Variants in TOP3B observed in about 807,000 individuals in gnomAD.
TOP3B encodes the protein DNA topoisomerase 3-beta-1.
A neutral mutation model predicts 93.9 loss-of-function variants in TOP3B; 45 were observed. The observed-to-expected ratio is 0.48, with a 90% CI of 0.38 to 0.61. The LOEUF is 0.61. Among genes scored for constraint, TOP3B ranks in the 20% least tolerant of loss-of-function variants. The pLI is 0.00. For synonymous variants in TOP3B, 357 were observed against 472.6 expected, an observed-to-expected ratio of 0.76 and a Z score of 3.17; for missense variants, 750 against 1,156.1, an observed-to-expected ratio of 0.65 and a Z score of 5.09.
At chr22:21,960,123 C>G in intron 14 of TOP3B, 198 bp downstream of exon 14, 2 of 821,982 alleles carry the variant, frequency 2.4e-6, no homozygotes, top group Non-Finnish European at 3.8e-6. Context: ...GTTCAGCCTT[C>G]AAACACACTG....
chr22:21,973,454 T>TG (rs1230850911), intron 3 of TOP3B: 1 of 151,224 alleles, frequency 6.6e-6, no homozygotes, highest in Non-Finnish European at 1.5e-5. Context: ...AATTTTGTTT[T>TG]TTTTTTTTTT....
In TOP3B at chr22:21,964,292, G is replaced by C; in HGVS notation, c.967C>G (p.Gln323Glu). 6.2e-7 allele frequency: 1 copy of C among 1,613,854 alleles called. No homozygotes were observed. The highest frequency in any genetic ancestry group is 1.7e-4 in the Middle Eastern group (1 of 6,032). The change falls in exon 10 of 18, where the codon CAG (glutamine) becomes GAG (glutamate). Residue 323 changes from glutamine (Q) to glutamate (E), a missense_variant. Physicochemically the swap from Gln to Glu is conservative, Grantham distance 29 (BLOSUM62 2). Coordinates refer to ENST00000357179, the MANE Select transcript of TOP3B (RefSeq NM_001282112.2). ...SLGMGPQHAM[Q>E]TAERLYTQGY... is the part of the protein sequence containing the mutation. The stretch of plus-strand genomic sequence containing the variant: ...TGCGTGTAGAGCCGCTCAGCCGTCT[G>C]CATGGCGTGCTGCGGCCCCATGCCT...
intron 7 of TOP3B, chr22:21,968,408 C>G (rs2071498496): frequency 3.4e-6 from 2 of 581,022 alleles, no homozygotes; most frequent in Admixed American, 3.0e-5. Context: ...TCCCACTTAT[C>G]CAGATTCAGC....
In TOP3B at chr22:21,970,139, AC is replaced by A; in HGVS notation, c.581+70del. The A allele has an allele frequency of 2.6e-6, 4 of 1,555,386 alleles. No homozygotes were observed. Among genetic ancestry groups the A allele is most frequent in the Non-Finnish European group, 2.6e-6 (3 of 1,149,500 alleles). On this transcript the variant is annotated intron_variant, in intron 6 of 17. Coordinates refer to ENST00000357179, the MANE Select transcript of TOP3B (RefSeq NM_001282112.2). This position sits in a 1 kb window ranked among gnomAD's most constrained non-coding sequence, Gnocchi z 4.4. ...GGAGGCCTAGGGGCCCCGGAGGGGG[AC>A]CAGTAGAGGCAGGTCTCTGGCTGAG...
intron 14 of TOP3B, chr22:21,960,053 A>C: frequency 1.6e-6 from 1 of 620,966 alleles, no homozygotes; most frequent in Non-Finnish European, 2.8e-6. Flanking sequence ...GCCCCTGGGG[A>C]ACCTCCAGGG....
intron 8 of TOP3B, 94 bp from the exon 9 acceptor site, chr22:21,965,469 TCTGGTCTCC>T: frequency 3.1e-6 from 2 of 653,604 alleles, no homozygotes; most frequent in African/African-American, 3.8e-5. Flanking sequence ...GTTTCATTCA[TCTGGTCTCC>T]CTGTTTCTCC....
At chr22:21,960,607 G>A in intron 13 of TOP3B, 158 bp from the exon 14 acceptor site, 1 of 964,712 alleles carries the variant, frequency 1.0e-6, no homozygotes, top group Non-Finnish European at 1.5e-6. Flanking sequence ...CCTGCACTGT[G>A]CTGGGCACCA....
chr22:21,959,655 C>T lies in TOP3B; in HGVS notation c.1736G>A (p.Arg579His), dbSNP rs138357708. 2.1e-4 allele frequency: 341 copies of T among 1,613,750 alleles called. No individual in the cohort carries two copies. The highest frequency in any genetic ancestry group is 2.8e-4 in the Non-Finnish European group (328 of 1,179,926). ...GTCCAGGGTGTGGCCCAGGACCTGG[C>T]GGTAGTCGGCCTTGCCCTGGGCGAT... ...NLIAQGKADYRQVLGHTLDVF... is the reference protein window; with the variant it reads ...NLIAQGKADYHQVLGHTLDVF... Residue 579 changes from arginine (R) to histidine (H), a missense_variant, in exon 15 of 18, where the codon CGC becomes CAC. Physicochemically the swap from Arg to His is conservative, Grantham distance 29 (BLOSUM62 0). Transcript: ENST00000357179.
intron 12 of TOP3B, 59 bp downstream of exon 12, chr22:21,962,688 G>A (rs1334748527): frequency 6.2e-7 from 1 of 1,609,992 alleles, no homozygotes; most frequent in Non-Finnish European, 8.5e-7. Flanking sequence ...CAGACACGAT[G>A]TAGAATGTTT....
intron 13 of TOP3B, 81 bp from the exon 14 acceptor site, chr22:21,960,530 G>C (rs529714869): frequency 1.3e-6 from 2 of 1,578,302 alleles, no homozygotes; most frequent in African/African-American, 1.3e-5. Context: ...CCTGTCACGG[G>C]GCCCCTGGTG....
chr22:21,964,438 G>A lies in TOP3B; in HGVS notation c.944-123C>T, dbSNP rs1289717877. On this transcript the variant is annotated intron_variant, in intron 9 of 17. Coordinates refer to ENST00000357179, the MANE Select transcript of TOP3B (RefSeq NM_001282112.2). ...CCTCCTGGAGGGTGACGGTGGCTCT[G>A]AGCAGGCACAGCTGGAGTGCAAAGC... The A allele has an allele frequency of 3.3e-5, 39 of 1,179,998 alleles. No homozygotes were observed. In the South Asian group the frequency reaches 3.4e-4, roughly 10 times the overall value. 73.1% of individuals were successfully genotyped at this position (1,179,998 alleles called of 1,614,324 possible). A position where few individuals can be genotyped will look rare whatever the true frequency, so the allele number is the denominator to read the frequency against.
intron 9 of TOP3B, chr22:21,964,635 C>T: frequency 2.5e-6 from 1 of 406,188 alleles, no homozygotes; most frequent in Non-Finnish European, 4.6e-6. Context: ...GCCTTCAGAG[C>T]ACCACTCCCC....
intron 7 of TOP3B, chr22:21,968,169 C>T (rs2071490590): frequency 4.4e-6 from 1 of 226,906 alleles, no homozygotes; most frequent in Non-Finnish European, 8.7e-6. Context: ...CTCAAGCAAT[C>T]CTCTTGCCTC....
At position 21,964,012 on chromosome 22, in the gene TOP3B, G is replaced by A; in HGVS notation, c.1115C>T (p.Ala372Val). The A allele has an allele frequency of 6.2e-7, 1 of 1,608,470 alleles. No individual in the cohort carries two copies. Among genetic ancestry groups the A allele is most frequent in the Non-Finnish European group, 8.5e-7 (1 of 1,177,430 alleles). Residue 372 changes from alanine (A) to valine (V), a missense_variant, in exon 11 of 18, where the codon GCA (alanine) becomes GTA (valine). Physicochemically the swap from Ala to Val is moderately conservative, Grantham distance 64. This residue lies in a region of TOP3B where 737 missense variants were observed against 933.7 expected (regional missense o/e 0.79). Transcript: ENST00000357179. ...TTTCCGCGGGCGGTTGATACCTTCT[G>A]CTAACAACCGCTTCACCTGAGGGAG... ...YWADTVKRLL[A>V]EGINRPRKGH...
intron 1 of TOP3B, among the ~76,000 whole-genome samples, chr22:21,978,878 T>G (rs1449263263): frequency 6.6e-6 from 1 of 152,134 alleles, no homozygotes; most frequent in East Asian, 1.9e-4. Flanking sequence ...TGTTCTCCGC[T>G]GATGGGACTG....
Position 21,970,492 on chromosome 22 carries a change from A to T in TOP3B, c.385-86T>A. On this transcript the variant is annotated intron_variant, in intron 5 of 17. Transcript: ENST00000357179. The surrounding 1 kb of genome is among the most constrained non-coding windows in gnomAD (Gnocchi z 4.4). ...CCCACTGTGAAGCCTGGTTCCTTCCAGGAAAGAACACGTGTGCTCGGCTCC... is the reference window on the plus strand; with the variant it reads ...CCCACTGTGAAGCCTGGTTCCTTCCTGGAAAGAACACGTGTGCTCGGCTCC... The T allele has an allele frequency of 6.9e-7, 1 of 1,439,434 alleles. No individual in the cohort carries two copies. The highest frequency in any genetic ancestry group is 9.5e-7 in the Non-Finnish European group (1 of 1,052,214). The allele number at this position is 1,439,434 out of a possible 1,614,324, so 89.2% of individuals were successfully genotyped here.
intron 14 of TOP3B, 195 bp downstream of exon 14, chr22:21,960,122 TCAAA>T: frequency 1.2e-6 from 1 of 813,578 alleles, no homozygotes; most frequent in Non-Finnish European, 1.9e-6. Context: ...TGTTCAGCCT[TCAAA>T]CACACTGAGC....
rs1223079857 is a variant in TOP3B at position 21,964,675 on chromosome 22, C to G, written c.944-360G>C. ...ATTGTCCATGGAGCCATAACCATACCTCGGGGTTGGCTGACGACAGAGTTA... is the reference window on the plus strand; with the variant it reads ...ATTGTCCATGGAGCCATAACCATACGTCGGGGTTGGCTGACGACAGAGTTA... On this transcript the variant is annotated intron_variant, in intron 9 of 17. Transcript: ENST00000357179. 4 of 277,374 alleles carry G rather than the reference C, an allele frequency of 1.4e-5. No individual in the cohort carries two copies. In the South Asian group the frequency reaches 1.7e-4, roughly 12 times the overall value. The allele number at this position is 277,374 out of a possible 1,614,324, so 17.2% of individuals were successfully genotyped here. A position where few individuals can be genotyped will look rare whatever the true frequency, so the allele number is the denominator to read the frequency against.
intron 9 of TOP3B, chr22:21,965,019 G>A (rs190801302): frequency 2.6e-5 from 9 of 346,282 alleles, no homozygotes; most frequent in East Asian, 2.2e-4. Flanking sequence ...GAGGGGCGAC[G>A]TTCACACTGG....
Sources: allele counts gnomAD v4.1 joint callset (sites outside exome capture counted in the v4.1 genomes callset), GRCh38; gene constraint gnomAD v4.1.1; regional missense constraint gnomAD v4.1.1; non-coding constraint Gnocchi (gnomAD v3.1); transcripts MANE v1.5; gene names NCBI Gene and HGNC (gene_info 2026-07-23, HGNC 2026-07-21).